EPHA5: variants seen among roughly 807,000 people sequenced by gnomAD.
EPHA5 encodes the protein ephrin type-A receptor 5.
A neutral mutation model predicts 105.0 loss-of-function variants in EPHA5; 60 were observed. The ratio of observed to expected loss-of-function variants is 0.57; its 90% CI spans 0.46 to 0.71. EPHA5 has a LOEUF of 0.71. EPHA5 is among the 30% of genes least tolerant of loss of function. EPHA5 has a pLI of 0.00. For synonymous variants in EPHA5, 513 were observed against 449.1 expected, an observed-to-expected ratio of 1.14 and a Z score of -1.80; for missense variants, 1,218 against 1,274.7, an observed-to-expected ratio of 0.96 and a Z score of 0.68.
chr4:65,412,816 T>C lies in EPHA5; in HGVS notation c.1687+1468A>G, dbSNP rs111858621. 1.3e-3 allele frequency among the ~76,000 whole-genome samples: 197 copies of C among 152,236 alleles called. 1 individual carries two copies. Among genetic ancestry groups the C allele is most frequent in the African/African-American group, 4.5e-3 (186 of 41,574 alleles). On this transcript the variant is annotated intron_variant, in intron 7 of 16. Coordinates refer to ENST00000613740, the MANE Select transcript of EPHA5 (RefSeq NM_001281766.3). ...TACCATTTAATACATATGTAAATGA[T>C]AGAATATTGAAAAGCCTGAAGAAAA...
intron 3 of EPHA5, among the ~76,000 whole-genome samples, chr4:65,540,754 C>G (rs186315087): frequency 1.5e-3 from 229 of 150,250 alleles, no homozygotes; most frequent in Non-Finnish European, 2.6e-3. Flanking sequence ...GTTTTATTTC[C>G]TGATTTTTTT....
At chr4:65,345,006 T>C (rs1487696408) in intron 14 of EPHA5, among the ~76,000 whole-genome samples, 1 of 152,214 alleles carries the variant, frequency 6.6e-6, no homozygotes, top group East Asian at 1.9e-4. Context: ...ATTTCTGTGA[T>C]GGTAAATAAG....
At chr4:65,631,595 C>CT (rs1746633729) in intron 2 of EPHA5, among the ~76,000 whole-genome samples, 1 of 152,038 alleles carries the variant, frequency 6.6e-6, no homozygotes, top group Non-Finnish European at 1.5e-5. Flanking sequence ...ACATCACACA[C>CT]TGAGTCCTCA....
intron 2 of EPHA5, among the ~76,000 whole-genome samples, chr4:65,620,342 G>A (rs936918682): frequency 7.2e-5 from 11 of 151,874 alleles, no homozygotes; most frequent in African/African-American, 2.2e-4. Context: ...TTGACTTCTT[G>A]CGATGCACAC....
chr4:65,509,483 A>G (rs1285009742), intron 3 of EPHA5, among the ~76,000 whole-genome samples: 4 of 152,192 alleles, frequency 2.6e-5, no homozygotes, highest in African/African-American at 9.6e-5. Flanking sequence ...AAAGGAAGCC[A>G]GGAAAACAAT....
chr4:65,574,425 T>C (rs1453178660), intron 3 of EPHA5: 11 of 468,048 alleles, frequency 2.4e-5, no homozygotes, highest in African/African-American at 4.1e-5. Flanking sequence ...CTCAAATACA[T>C]GTATTCATAC....
intron 3 of EPHA5, among the ~76,000 whole-genome samples, chr4:65,576,186 G>A (rs1458187444): frequency 1.4e-5 from 2 of 147,334 alleles, no homozygotes; most frequent in East Asian, 2.0e-4. Context: ...AAGGAAGGAA[G>A]GAAGGAAAAT....
Position 65,479,254 on chromosome 4 carries a change from A to T in EPHA5, c.1402+11123T>A, listed in dbSNP as rs1026735556. Among the ~76,000 whole-genome samples the T allele has an allele frequency of 6.6e-5, 10 of 152,172 alleles. No homozygotes were observed. The East Asian group carries it at 1.5e-3, about 23-fold the overall frequency. On this transcript the variant is annotated intron_variant, in intron 5 of 16. Coordinates refer to ENST00000613740, the MANE Select transcript of EPHA5 (RefSeq NM_001281766.3). ...CAGATACCATTTATTTCCACTTTAC[A>T]TGTGAAAAACCTGAGGCCCTGTGAT...
chr4:65,540,880 A>C (rs1578376857), intron 3 of EPHA5, among the ~76,000 whole-genome samples: 1 of 144,846 alleles, frequency 6.9e-6, no homozygotes, highest in Non-Finnish European at 1.5e-5. Context: ...AAAAAAAAAC[A>C]AAAATCATTT....
intron 3 of EPHA5, among the ~76,000 whole-genome samples, chr4:65,569,504 A>G (rs2149372142): frequency 6.6e-6 from 1 of 151,794 alleles, no homozygotes; most frequent in Admixed American, 6.6e-5. Context: ...TTTCAAATGT[A>G]TTTCCTTAAA....
At chr4:65,353,231 TA>T in intron 11 of EPHA5, 128 bp from the exon 12 acceptor site, 2 of 180,674 alleles carry the variant, frequency 1.1e-5, no homozygotes, top group Non-Finnish European at 2.2e-5. Flanking sequence ...AATATTTAAA[TA>T]AAAATATTAA....
intron 3 of EPHA5, among the ~76,000 whole-genome samples, chr4:65,550,739 G>A (rs1445766317): frequency 6.6e-6 from 1 of 152,110 alleles, no homozygotes; most frequent in Non-Finnish European, 1.5e-5. Flanking sequence ...GAGGGGCTGA[G>A]GCAGGAGAAT....
At chr4:65,463,299 G>T (rs1370455285) in intron 5 of EPHA5, among the ~76,000 whole-genome samples, 2 of 152,098 alleles carry the variant, frequency 1.3e-5, no homozygotes, top group Admixed American at 1.3e-4. Flanking sequence ...AAAATCTTAT[G>T]AAGTATATCT....
At chr4:65,612,039 A>AAAAG (rs1553952606) in intron 2 of EPHA5, among the ~76,000 whole-genome samples, 1 of 86,680 alleles carries the variant, frequency 1.2e-5, no homozygotes, top group Admixed American at 1.1e-4. Flanking sequence ...AAAAAAAAAA[A>AAAAG]GGAAAGAAAA....
At chr4:65,588,174 A>G (rs1742300107) in intron 3 of EPHA5, among the ~76,000 whole-genome samples, 1 of 152,148 alleles carries the variant, frequency 6.6e-6, no homozygotes, top group Non-Finnish European at 1.5e-5. Flanking sequence ...GTGAATATGA[A>G]TAAAACATTT....
chr4:65,348,659 GATATATATATATATATATATAT>G (rs36206921), intron 13 of EPHA5, among the ~76,000 whole-genome samples: 6 of 60,228 alleles, frequency 1.0e-4, no homozygotes, highest in African/African-American at 2.9e-4. Context: ...AAACATTGGA[GATATATATATATATATATATAT>G]ATATATATAT....
chr4:65,408,202 C>T (rs1004568310), intron 7 of EPHA5, among the ~76,000 whole-genome samples: 1 of 151,846 alleles, frequency 6.6e-6, no homozygotes, highest in Non-Finnish European at 1.5e-5. Context: ...CTGTCAATGC[C>T]TTCATGCTTG....
chr4:65,536,773 C>T (rs1264318246), intron 3 of EPHA5, among the ~76,000 whole-genome samples: 4 of 150,912 alleles, frequency 2.7e-5, no homozygotes, highest in African/African-American at 9.7e-5. Flanking sequence ...TTCACTGTTC[C>T]TAAAAGTTAG....
At chr4:65,517,502 T>C (rs1734221547) in intron 3 of EPHA5, among the ~76,000 whole-genome samples, 1 of 151,952 alleles carries the variant, frequency 6.6e-6, no homozygotes, top group Non-Finnish European at 1.5e-5. Flanking sequence ...ATTGTAGAAT[T>C]AAGCCAGTTA....
Sources: allele counts gnomAD v4.1 joint callset (sites outside exome capture counted in the v4.1 genomes callset), GRCh38; gene constraint gnomAD v4.1.1; transcripts MANE v1.5; gene names NCBI Gene and HGNC (gene_info 2026-07-23, HGNC 2026-07-21).